Variants in TBCK observed in about 807,000 individuals in gnomAD.
TBCK encodes TBC domain-containing protein kinase-like protein.
In TBCK, 99 loss-of-function variants were observed where a neutral mutation model predicts 113.4. The observed-to-expected ratio is 0.87, with a 90% CI of 0.74 to 1.03. TBCK has a LOEUF of 1.03. Among genes scored for constraint, TBCK ranks in the 50% least tolerant of loss-of-function variants. The probability of loss-of-function intolerance (pLI) is 0.00; values close to 1 mark genes in which losing one functional copy is unlikely to be tolerated. For missense variants in TBCK, 1,045 were observed against 1,061.3 expected (o/e 0.98, Z 0.21); for synonymous variants, 369 against 370.8 (o/e 1.00, Z 0.05).
At chr4:106,208,511 G>T (rs1255999661) in intron 20 of TBCK, among the ~76,000 whole-genome samples, 1 of 151,676 alleles carries the variant, frequency 6.6e-6, no homozygotes, top group Non-Finnish European at 1.5e-5. Context: ...CACACTTTGG[G>T]CTACCCACTT....
chr4:106,215,146 T>C (rs1333191021), intron 19 of TBCK, among the ~76,000 whole-genome samples: 1 of 151,112 alleles, frequency 6.6e-6, no homozygotes. Flanking sequence ...AATAAAATAC[T>C]TTACAGACAA....
chr4:106,147,501 C>A (rs571300789), intron 23 of TBCK, among the ~76,000 whole-genome samples: 5 of 152,292 alleles, frequency 3.3e-5, no homozygotes, highest in Admixed American at 3.3e-4. Flanking sequence ...ATTTCATGGA[C>A]ATTTATTAGT....
At chr4:106,312,144 G>T (rs1768263924) in intron 1 of TBCK, among the ~76,000 whole-genome samples, 1 of 151,846 alleles carries the variant, frequency 6.6e-6, no homozygotes, top group South Asian at 2.1e-4. Flanking sequence ...TCGAGTTAAA[G>T]GGAAATATTA....
intron 23 of TBCK, among the ~76,000 whole-genome samples, chr4:106,151,877 C>T (rs1171911170): frequency 2.0e-5 from 3 of 151,824 alleles, no homozygotes; most frequent in Non-Finnish European, 4.4e-5. Flanking sequence ...CTGGTTTCTT[C>T]TTCAGATTGT....
intron 22 of TBCK, chr4:106,182,676 A>G (rs1455865532): frequency 6.6e-6 from 1 of 152,018 alleles, no homozygotes; most frequent in Non-Finnish European, 1.5e-5. Flanking sequence ...ATGACATCGA[A>G]CTATCCCAAC....
intron 19 of TBCK, among the ~76,000 whole-genome samples, chr4:106,220,694 T>C (rs1254507183): frequency 6.6e-6 from 1 of 152,192 alleles, no homozygotes; most frequent in African/African-American, 2.4e-5. Context: ...TATCCGTCCA[T>C]TGTCTCACCT....
chr4:106,094,128 A>G (rs1740644871), intron 25 of TBCK, among the ~76,000 whole-genome samples: 1 of 152,220 alleles, frequency 6.6e-6, no homozygotes, highest in Admixed American at 6.5e-5. Flanking sequence ...GTTCCTTACT[A>G]TGAAATCATA....
At chr4:106,105,017 C>T (rs536530208) in intron 24 of TBCK, among the ~76,000 whole-genome samples, 20 of 152,340 alleles carry the variant, frequency 1.3e-4, no homozygotes, top group Non-Finnish European at 1.9e-4. Flanking sequence ...CGAGCCAGTG[C>T]GAACTCAGCA....
intron 20 of TBCK, among the ~76,000 whole-genome samples, chr4:106,206,484 T>C (rs1755515296): frequency 6.6e-6 from 1 of 152,162 alleles, no homozygotes; most frequent in Admixed American, 6.5e-5. Flanking sequence ...AGAATGGGGT[T>C]TGTACTAATG....
At chr4:106,242,181 GATTAAC>G (rs1760219505) in intron 12 of TBCK, among the ~76,000 whole-genome samples, 1 of 151,938 alleles carries the variant, frequency 6.6e-6, no homozygotes. Flanking sequence ...CATACCATTA[GATTAAC>G]AATTTTTTAA....
chr4:106,112,879 C>G (rs1743025901), intron 24 of TBCK, among the ~76,000 whole-genome samples: 2 of 152,166 alleles, frequency 1.3e-5, no homozygotes, highest in Admixed American at 6.5e-5. Context: ...TCAACTTACC[C>G]AGAGACTAGC....
chr4:106,123,416 A>C (rs1000923512), intron 23 of TBCK, among the ~76,000 whole-genome samples: 2 of 152,248 alleles, frequency 1.3e-5, no homozygotes, highest in East Asian at 1.9e-4. Flanking sequence ...ATGGGTAGGA[A>C]GAATCAATAT....
intron 25 of TBCK, among the ~76,000 whole-genome samples, chr4:106,067,000 CCT>C (rs1736724120): frequency 6.6e-6 from 1 of 152,060 alleles, no homozygotes; most frequent in African/African-American, 2.4e-5. Context: ...TGTTTGAGTC[CCT>C]GTTTTCAATT....
intron 25 of TBCK, among the ~76,000 whole-genome samples, chr4:106,050,202 T>C (rs1734656383): frequency 6.6e-6 from 1 of 152,044 alleles, no homozygotes; most frequent in African/African-American, 2.4e-5. Context: ...TCTGTGAGCA[T>C]TCAATAACTA....
intron 7 of TBCK, 35 bp downstream of exon 7, chr4:106,250,383 T>C (rs1761295178): frequency 1.5e-6 from 2 of 1,375,760 alleles, no homozygotes; most frequent in Non-Finnish European, 2.0e-6. Context: ...AAGTTATATT[T>C]ATATTTGAAA....
chr4:106,268,743 A>G (rs545602032), intron 3 of TBCK, among the ~76,000 whole-genome samples: 22 of 152,276 alleles, frequency 1.4e-4, no homozygotes, highest in Admixed American at 2.6e-4. Context: ...TAAATTGTTG[A>G]GAGAGATTAC....
intron 23 of TBCK, among the ~76,000 whole-genome samples, chr4:106,168,930 A>G (rs56135499): frequency 0.13 from 19,662 of 151,990 alleles, 1,603 homozygotes; most frequent in South Asian, 0.24. Flanking sequence ...AAAATGTTCC[A>G]AAATCGGAAA....
Position 106,308,928 on chromosome 4 carries a change from G to C in TBCK, c.33C>G (p.Ala11=), listed in dbSNP as rs905336757. MFPLKDAEMG[A]FTFFASALPH... ...GCAGAGCCGAGGCAAAGAAGGTAAA[G>C]GCTCCCATTTCAGCGTCCTTCAGGG... Residue 11 remains alanine (A), a synonymous_variant, in exon 2 of 26, where the codon GCC becomes GCG. Transcript: ENST00000394708. 1.2e-6 allele frequency: 2 copies of C among 1,614,082 alleles called. No individual in the cohort carries two copies. Among genetic ancestry groups the C allele is most frequent in the Non-Finnish European group, 1.7e-6 (2 of 1,180,010 alleles).
At chr4:106,239,063 G>A (rs937276227) in intron 12 of TBCK, among the ~76,000 whole-genome samples, 1 of 152,082 alleles carries the variant, frequency 6.6e-6, no homozygotes, top group African/African-American at 2.4e-5. Context: ...AATACAGCCA[G>A]AGTACTCTGT....
Sources: allele counts gnomAD v4.1 joint callset (sites outside exome capture counted in the v4.1 genomes callset), GRCh38; gene constraint gnomAD v4.1.1; transcripts MANE v1.5; gene names NCBI Gene and HGNC (gene_info 2026-07-23, HGNC 2026-07-21).